The following KANK1 variants were observed in gnomAD, a reference collection of about 807,000 sequenced individuals.
KANK1 encodes the protein KN motif and ankyrin repeat domains 1.
In KANK1, 109 loss-of-function variants were observed where a neutral mutation model predicts 106.2. The observed-to-expected ratio is 1.03, with a 90% CI of 0.88 to 1.20. The LOEUF (loss-of-function observed/expected upper bound fraction) is 1.20, where lower values mean the gene tolerates loss of function less well. Ranked by LOEUF, KANK1 falls within the 50% of genes most tolerant of loss-of-function variation. The probability of loss-of-function intolerance (pLI) is 0.00; values close to 1 mark genes in which losing one functional copy is unlikely to be tolerated. For missense variants in KANK1, 2,399 were observed against 1,710.7 expected (o/e 1.40, Z -7.10); for synonymous variants, 873 against 652.2 (o/e 1.34, Z -5.16).
At chr9:744,670 G>A (rs780492401) in intron 11 of KANK1, 81 bp downstream of exon 11, 3 of 1,611,542 alleles carry the variant, frequency 1.9e-6, no homozygotes, top group African/African-American at 2.7e-5. Context: ...GAATTGACGG[G>A]AGACAGATTT....
intron 1 of KANK1, among the ~76,000 whole-genome samples, chr9:630,468 G>A (rs909664612): frequency 2.0e-5 from 3 of 148,848 alleles, no homozygotes; most frequent in Admixed American, 1.3e-4. Context: ...GGAGAATGGC[G>A]TAAACCCGGG....
chr9:544,308 C>G (rs997722550), intron 1 of KANK1, among the ~76,000 whole-genome samples: 2 of 152,170 alleles, frequency 1.3e-5, no homozygotes, highest in East Asian at 3.9e-4. Flanking sequence ...CAGGCAAGAG[C>G]CACTGCACCT....
At chr9:714,581 C>T (rs1015755585) in intron 3 of KANK1, among the ~76,000 whole-genome samples, 1 of 152,070 alleles carries the variant, frequency 6.6e-6, no homozygotes, top group Non-Finnish European at 1.5e-5. Flanking sequence ...TGATCTTGAA[C>T]TCCTGACCTC....
At chr9:578,893 C>G (rs1451651527) in intron 1 of KANK1, among the ~76,000 whole-genome samples, 1 of 152,122 alleles carries the variant, frequency 6.6e-6, no homozygotes, top group African/African-American at 2.4e-5. Context: ...TCGAAGATGA[C>G]GAGCTTATCC....
chr9:583,961 T>C (rs1350415489), intron 1 of KANK1, among the ~76,000 whole-genome samples: 1 of 151,756 alleles, frequency 6.6e-6, no homozygotes, highest in Admixed American at 6.6e-5. Flanking sequence ...TGTGGAGGAG[T>C]GGGTATTGTC....
chr9:489,816 G>A (rs574949027), intron 3 of KANK1, among the ~76,000 whole-genome samples: 5 of 152,278 alleles, frequency 3.3e-5, no homozygotes, highest in South Asian at 4.1e-4. Context: ...CTGTTTACTC[G>A]TAAATTGGCA....
rs1280510850 is a variant in KANK1 at position 549,102 on chromosome 9, CA to C, written c.-84+44349del. The C allele has an allele frequency of 2.0e-5, 3 of 151,336 alleles. No homozygotes were observed. In the East Asian group the frequency reaches 5.8e-4, roughly 29 times the overall value. The allele number at this position is 151,336 out of a possible 1,614,324, so 9.4% of individuals were successfully genotyped here. ...TTTCTTTTTTTTTTTCTACTTCTTCCACAGAAAAACAGGACAAAGAAACCTG... is the reference window on the plus strand; with the variant it reads ...TTTCTTTTTTTTTTTCTACTTCTTCCCAGAAAAACAGGACAAAGAAACCTG... On this transcript the variant is annotated intron_variant, in intron 1 of 11. Coordinates refer to ENST00000382297, the MANE Select transcript of KANK1 (RefSeq NM_015158.5).
At position 730,051 on chromosome 9, in the gene KANK1, G is replaced by A. The variant is rs1259098681; in HGVS notation, c.2699G>A (p.Gly900Asp). 1 of 1,613,326 alleles carries A rather than the reference G, an allele frequency of 6.2e-7. No individual in the cohort carries two copies. Among genetic ancestry groups the A allele is most frequent in the Non-Finnish European group, 8.5e-7 (1 of 1,179,674 alleles). ...FQKTSLGKIT[G>D]NYLGYTCKCG... ...TCTGTACCTTTCTTTTTCCTGATAGGCAATTATTTGGGATATACCTGTAAG... is the reference window on the plus strand; with the variant it reads ...TCTGTACCTTTCTTTTTCCTGATAGACAATTATTTGGGATATACCTGTAAG... Residue 900 changes from glycine to aspartate, a missense_variant and splice_region_variant, in exon 4 of 12, where the codon GGC becomes GAC. Physicochemically the swap from Gly to Asp is moderately conservative, Grantham distance 94. Coordinates refer to ENST00000382297, the MANE Select transcript of KANK1 (RefSeq NM_015158.5).
chr9:745,326 G>A lies in KANK1; in HGVS notation c.*91G>A, dbSNP rs1836915499. On this transcript the variant is annotated 3_prime_UTR_variant, in exon 12 of 12. Transcript: ENST00000382297. The stretch of plus-strand genomic sequence containing the variant: ...CAGATACTGAATGTATACGTATTGT[G>A]CCTGAGCTCACCAGCAAACAGAAGC... 1.3e-6 allele frequency: 2 copies of A among 1,516,948 alleles called. No individual in the cohort carries two copies. The highest frequency in any genetic ancestry group is 1.1e-5 in the South Asian group (1 of 87,976). 94.0% of individuals were successfully genotyped at this position (1,516,948 alleles called of 1,614,324 possible).
intron 1 of KANK1, among the ~76,000 whole-genome samples, chr9:623,818 G>A (rs74358594): frequency 0.012 from 1,846 of 152,192 alleles, 34 homozygotes; most frequent in African/African-American, 0.042. Flanking sequence ...AGCCATTATG[G>A]ACATTGGTAT....
chr9:611,081 A>G (rs975285268), intron 1 of KANK1, among the ~76,000 whole-genome samples: 6 of 151,746 alleles, frequency 4.0e-5, no homozygotes, highest in African/African-American at 1.5e-4. Context: ...TTACCTTATC[A>G]CTCCACCTGC....
intron 1 of KANK1, among the ~76,000 whole-genome samples, chr9:561,381 A>G (rs1816398408): frequency 6.6e-6 from 1 of 152,230 alleles, no homozygotes; most frequent in Admixed American, 6.5e-5. Flanking sequence ...ATGGCTACAT[A>G]GCATCTCTCT....
chr9:641,237 A>G (rs1480147078), intron 1 of KANK1, among the ~76,000 whole-genome samples: 1 of 152,258 alleles, frequency 6.6e-6, no homozygotes, highest in African/African-American at 2.4e-5. Context: ...GCAATCAGAT[A>G]TGAACAGTAT....
At chr9:559,135 G>A (rs1378772938) in intron 1 of KANK1, among the ~76,000 whole-genome samples, 1 of 152,234 alleles carries the variant, frequency 6.6e-6, no homozygotes, top group East Asian at 1.9e-4. Flanking sequence ...GAGCTTGATA[G>A]GCATTGAGTG....
chr9:727,311 A>C (rs1830944104), intron 3 of KANK1, among the ~76,000 whole-genome samples: 1 of 149,996 alleles, frequency 6.7e-6, no homozygotes, highest in Non-Finnish European at 1.5e-5. Flanking sequence ...AAAAATGGCA[A>C]ATCCAAGGAA....
chr9:599,484 A>G (rs2135802013), intron 1 of KANK1, among the ~76,000 whole-genome samples: 1 of 151,862 alleles, frequency 6.6e-6, no homozygotes, highest in African/African-American at 2.4e-5. Context: ...ATACTTTCTT[A>G]CTGTGAATAA....
chr9:621,369 T>C (rs1322563713), intron 1 of KANK1, among the ~76,000 whole-genome samples: 1 of 152,172 alleles, frequency 6.6e-6, no homozygotes, highest in Non-Finnish European at 1.5e-5. Flanking sequence ...TCATATGCAC[T>C]GAGTCTGGTT....
rs1350851138 is a variant in KANK1 at position 651,898 on chromosome 9, AAACTAAAGTTGCT to A, written c.-83-24990_-83-24978del. Among the ~76,000 whole-genome samples the A allele has an allele frequency of 2.0e-5, 3 of 152,340 alleles. No individual in the cohort carries two copies. In the East Asian group the frequency reaches 5.8e-4, roughly 29 times the overall value. ...AATAAATGTAGAATCCCATGATAAA[AAACTAAAGTTGCT>A]ATATTAAAATTAATAGTATACTGGG... On this transcript the variant is annotated intron_variant, in intron 1 of 11. Coordinates refer to ENST00000382297, the MANE Select transcript of KANK1 (RefSeq NM_015158.5).
Position 707,526 on chromosome 9 carries a change from G to A in KANK1, c.38-3278G>A, listed in dbSNP as rs373988277. 5.1e-3 allele frequency among the ~76,000 whole-genome samples: 563 copies of A among 111,266 alleles called. 1 individual carries two copies. The highest frequency in any genetic ancestry group is 0.015 in the African/African-American group (412 of 27,378). The allele number at this position is 111,266 out of a possible 152,430, so 73.0% of individuals were successfully genotyped here. A position where few individuals can be genotyped will look rare whatever the true frequency, so the allele number is the denominator to read the frequency against. On this transcript the variant is annotated intron_variant, in intron 2 of 11. Coordinates refer to ENST00000382297, the MANE Select transcript of KANK1 (RefSeq NM_015158.5). ...CTGCAGCTTCTCTCCTGTTAATGGAGTTTCAGACAGTCCTGGAGACAGGTC... is the reference window on the plus strand; with the variant it reads ...CTGCAGCTTCTCTCCTGTTAATGGAATTTCAGACAGTCCTGGAGACAGGTC...
Sources: gnomAD v4.1 joint callset for allele counts (sites outside exome capture counted in the v4.1 genomes callset) on GRCh38, gnomAD v4.1.1 for gene constraint, MANE v1.5 for transcripts, NCBI Gene and HGNC (gene_info 2026-07-23, HGNC 2026-07-21) for gene names.